Variants in MALRD1 observed in about 807,000 individuals in gnomAD.
The protein encoded by MALRD1 is MAM and LDL receptor class A domain containing 1.
In MALRD1, 247 loss-of-function variants were observed where a neutral mutation model predicts 242.1. The observed-to-expected ratio is 1.02, with a 90% CI of 0.92 to 1.13. The LOEUF (loss-of-function observed/expected upper bound fraction) is 1.13. Ranked by LOEUF, MALRD1 falls within the 50% of genes most tolerant of loss-of-function variation. The probability of loss-of-function intolerance (pLI) is 0.00; values close to 1 mark genes in which losing one functional copy is unlikely to be tolerated. For missense variants in MALRD1, 2,989 were observed against 2,533.1 expected, an observed-to-expected ratio of 1.18 and a Z score of -3.86; for synonymous variants, 995 against 866.6, an observed-to-expected ratio of 1.15 and a Z score of -2.60.
chr10:19,136,542 A>G lies in MALRD1; in HGVS notation c.1204-32A>G, dbSNP rs1307347198. On this transcript the variant is annotated intron_variant, in intron 9 of 39. Coordinates refer to ENST00000454679, the MANE Select transcript of MALRD1 (RefSeq NM_001142308.3). ...TTTTTTGTCTTATTAAGGAGATTGC[A>G]AACTCATAAATTAATCTTTTCCTTC... 4 of 1,179,166 alleles carry G rather than the reference A, an allele frequency of 3.4e-6. No individual in the cohort carries two copies. The African/African-American group carries it at 6.3e-5, about 19-fold the overall frequency. 73.0% of individuals were successfully genotyped at this position (1,179,166 alleles called of 1,614,324 possible). A position where few individuals can be genotyped will look rare whatever the true frequency, so the allele number is the denominator to read the frequency against.
chr10:19,148,119 G>T (rs1322259392), intron 11 of MALRD1, among the ~76,000 whole-genome samples: 1 of 152,126 alleles, frequency 6.6e-6, no homozygotes, highest in African/African-American at 2.4e-5. Flanking sequence ...GAGATGAGGA[G>T]AATGGAGAGG....
intron 2 of MALRD1, among the ~76,000 whole-genome samples, chr10:19,068,103 T>G (rs991271619): frequency 3.9e-5 from 6 of 152,126 alleles, no homozygotes; most frequent in Non-Finnish European, 8.8e-5. Flanking sequence ...TCTTACAGAT[T>G]GCTGATTCCA....
intron 11 of MALRD1, among the ~76,000 whole-genome samples, chr10:19,152,613 T>G (rs1481273726): frequency 6.6e-6 from 1 of 152,188 alleles, no homozygotes; most frequent in Non-Finnish European, 1.5e-5. Flanking sequence ...CATTTCTTGC[T>G]GTTTATGTAT....
chr10:19,583,563 A>G (rs1197435112), intron 33 of MALRD1, among the ~76,000 whole-genome samples: 1 of 151,840 alleles, frequency 6.6e-6, no homozygotes, highest in East Asian at 1.9e-4. Context: ...CTTGCATCCC[A>G]GGGATGAAGC....
chr10:19,562,329 ATAGATAGATAGATAGT>A lies in MALRD1; in HGVS notation c.5479-5158_5479-5143del, dbSNP rs879441444. Reference sequence around the variant, plus strand: ...GATAGATAGATAGATAGATAGATAGATAGATAGATAGATAGTTAGATAGATAGATATCTAGATAGAT... The same window carrying A: ...GATAGATAGATAGATAGATAGATAGATAGATAGATAGATATCTAGATAGAT... On this transcript the variant is annotated intron_variant, in intron 32 of 39. Coordinates refer to ENST00000454679, the MANE Select transcript of MALRD1 (RefSeq NM_001142308.3). Among the ~76,000 whole-genome samples the A allele has an allele frequency of 5.6e-3, 809 of 144,454 alleles. 6 individuals are homozygous for A. Among genetic ancestry groups the A allele is most frequent in the African/African-American group, 0.019 (681 of 35,938 alleles). The allele number at this position is 144,454 out of a possible 152,430, so 94.8% of individuals were successfully genotyped here. A position where few individuals can be genotyped will look rare whatever the true frequency, so the allele number is the denominator to read the frequency against.
intron 33 of MALRD1, among the ~76,000 whole-genome samples, chr10:19,585,379 G>A (rs1211073529): frequency 1.3e-5 from 2 of 151,898 alleles, no homozygotes; most frequent in Admixed American, 6.6e-5. Flanking sequence ...GTTCCTTTCT[G>A]TGTTTAGCGC....
chr10:19,499,459 A>C (rs1333388137), intron 31 of MALRD1, among the ~76,000 whole-genome samples: 1 of 151,916 alleles, frequency 6.6e-6, no homozygotes, highest in African/African-American at 2.4e-5. Context: ...AAAAAAAAAA[A>C]AAACCAGCCT....
chr10:19,498,889 A>C (rs549083025), intron 31 of MALRD1, among the ~76,000 whole-genome samples: 6 of 152,120 alleles, frequency 3.9e-5, no homozygotes, highest in South Asian at 4.2e-4. Context: ...GATTTTACTC[A>C]CTCTACCCTA....
At chr10:19,298,890 C>T (rs1477132181) in intron 21 of MALRD1, among the ~76,000 whole-genome samples, 1 of 151,852 alleles carries the variant, frequency 6.6e-6, no homozygotes, top group Non-Finnish European at 1.5e-5. Context: ...ATCATCCAGA[C>T]CCTCAAATCC....
At chr10:19,531,760 A>G (rs1383599427) in intron 32 of MALRD1, among the ~76,000 whole-genome samples, 2 of 152,208 alleles carry the variant, frequency 1.3e-5, no homozygotes, top group African/African-American at 4.8e-5. Context: ...TTAAGTATAT[A>G]TCAGCTCACA....
intron 36 of MALRD1, among the ~76,000 whole-genome samples, chr10:19,654,579 C>A (rs760483649): frequency 6.6e-6 from 1 of 152,184 alleles, no homozygotes; most frequent in Non-Finnish European, 1.5e-5. Flanking sequence ...TAGTAAATGA[C>A]TGTCTTTTCT....
chr10:19,423,645 T>C (rs565802811), intron 28 of MALRD1, among the ~76,000 whole-genome samples: 2 of 152,090 alleles, frequency 1.3e-5, no homozygotes, highest in East Asian at 3.9e-4. Context: ...GTATGTCAAA[T>C]GATGAGAGCA....
intron 21 of MALRD1, among the ~76,000 whole-genome samples, chr10:19,306,119 T>TATATA (rs1491584615): frequency 1.8e-5 from 2 of 111,260 alleles, no homozygotes; most frequent in African/African-American, 7.4e-5. Flanking sequence ...ATATATACTA[T>TATATA]CTAGTATATA....
intron 25 of MALRD1, among the ~76,000 whole-genome samples, chr10:19,349,689 A>G (rs181522218): frequency 1.3e-5 from 2 of 152,328 alleles, no homozygotes; most frequent in South Asian, 4.1e-4. Context: ...TGTTGGGTAT[A>G]TATCTATAAA....
chr10:19,673,585 T>G (rs893150139), intron 36 of MALRD1, among the ~76,000 whole-genome samples: 1 of 152,124 alleles, frequency 6.6e-6, no homozygotes, highest in Non-Finnish European at 1.5e-5. Flanking sequence ...TTTTTGAGCT[T>G]CTATTACTAG....
intron 36 of MALRD1, among the ~76,000 whole-genome samples, chr10:19,669,305 C>T (rs929092133): frequency 1.3e-5 from 2 of 152,142 alleles, no homozygotes; most frequent in African/African-American, 4.8e-5. Context: ...GGACTATGAA[C>T]ATAGTATTTG....
intron 38 of MALRD1, among the ~76,000 whole-genome samples, chr10:19,722,810 G>A (rs974993933): frequency 5.3e-5 from 8 of 151,786 alleles, no homozygotes; most frequent in East Asian, 1.9e-4. Context: ...CTCAACTATC[G>A]GTGGGCACCT....
chr10:19,634,203 AG>A (rs1001621162), intron 36 of MALRD1, among the ~76,000 whole-genome samples: 6 of 152,094 alleles, frequency 3.9e-5, no homozygotes, highest in African/African-American at 1.4e-4. Flanking sequence ...GAAATCAAAA[AG>A]TTATTCCTCT....
At chr10:19,322,390 T>C (rs939335734) in intron 21 of MALRD1, among the ~76,000 whole-genome samples, 2 of 152,168 alleles carry the variant, frequency 1.3e-5, no homozygotes, top group Admixed American at 6.6e-5. Context: ...TGCATGACAC[T>C]ACTTATTTCA....
Sources: allele counts gnomAD v4.1 joint callset (sites outside exome capture counted in the v4.1 genomes callset), GRCh38; gene constraint gnomAD v4.1.1; transcripts MANE v1.5; gene names NCBI Gene and HGNC (gene_info 2026-07-23, HGNC 2026-07-21).